Variants in RHOT1 observed in about 807,000 individuals in gnomAD.
RHOT1 encodes the protein mitochondrial Rho GTPase 1.
Under a neutral mutation model 95.3 loss-of-function variants are expected in RHOT1, and 27 were observed. That is an observed-to-expected ratio of 0.28 (90% CI 0.21 to 0.39). RHOT1 has a LOEUF of 0.39. RHOT1 is among the 10% of genes least tolerant of loss of function. The pLI, the probability that RHOT1 is intolerant of heterozygous loss-of-function variation, is 1.00. For synonymous variants in RHOT1, 227 were observed against 263.5 expected, an observed-to-expected ratio of 0.86 and a Z score of 1.34; for missense variants, 578 against 786.7, an observed-to-expected ratio of 0.73 and a Z score of 3.17.
At chr17:32,148,304 T>G (rs2031691887) in intron 1 of RHOT1, among the ~76,000 whole-genome samples, 4 of 152,144 alleles carry the variant, frequency 2.6e-5, no homozygotes, top group Admixed American at 2.6e-4. Context: ...TTAATAAGTA[T>G]TTAGTGCTTA....
chr17:32,182,591 A>C (rs982151474), intron 6 of RHOT1, among the ~76,000 whole-genome samples, 166 bp from the exon 7 acceptor site: 1 of 152,254 alleles, frequency 6.6e-6, no homozygotes, highest in Non-Finnish European at 1.5e-5. Context: ...TAACATGTTG[A>C]GTAAATACGT....
At chr17:32,194,341 T>G (rs16967127) in intron 11 of RHOT1, among the ~76,000 whole-genome samples, 5,797 of 152,290 alleles carry the variant, frequency 0.038, 371 homozygotes, top group African/African-American at 0.13. Context: ...GGAGGTGGGC[T>G]TCAAGCTAAT....
intron 6 of RHOT1, chr17:32,179,454 C>G (rs1417808924): frequency 4.0e-5 from 5 of 123,926 alleles, no homozygotes; most frequent in African/African-American, 1.6e-4. Context: ...GACACCCCAT[C>G]TGGGATGTGA....
chr17:32,214,894 C>CTTTTT lies in RHOT1; in HGVS notation c.1862+3682_1862+3686dup, dbSNP rs551151153. On this transcript the variant is annotated intron_variant, in intron 19 of 19. Coordinates refer to ENST00000545287, the MANE Select transcript of RHOT1 (RefSeq NM_001033566.3). The stretch of plus-strand genomic sequence containing the variant: ...GAAAGAGCAGTTCTAAAAGGCTTGT[C>CTTTTT]TTTTTTTTTTTTTTTTTTTTTTTTT... Among the ~76,000 whole-genome samples the CTTTTT allele has an allele frequency of 7.2e-3, 378 of 52,838 alleles. 20 individuals carry two copies. Among genetic ancestry groups the CTTTTT allele is most frequent in the Non-Finnish European group, 0.01 (285 of 28,392 alleles). 34.7% of individuals were successfully genotyped at this position (52,838 alleles called of 152,430 possible).
At chr17:32,208,548 A>G (rs777791577) in intron 18 of RHOT1, 25 of 448,930 alleles carry the variant, frequency 5.6e-5, no homozygotes, top group Non-Finnish European at 9.7e-5. Context: ...CTATCTTAAT[A>G]GAATAGTACA....
Position 32,183,140 on chromosome 17 carries a change from G to T in RHOT1, c.439-31G>T. 5 of 1,498,898 alleles carry T rather than the reference G, an allele frequency of 3.3e-6. No homozygotes were observed. The South Asian group carries it at 3.7e-5, about 11-fold the overall frequency. 92.8% of individuals were successfully genotyped at this position (1,498,898 alleles called of 1,614,324 possible). A position where few individuals can be genotyped will look rare whatever the true frequency, so the allele number is the denominator to read the frequency against. ...AAAATTGTTTTTAGCTCTCATAATT[G>T]ATTTCAGAGTGTAAAATTTTATTTT... is the stretch of plus-strand genomic sequence containing the variant. On this transcript the variant is annotated intron_variant, in intron 7 of 19. Transcript: ENST00000545287.
chr17:32,147,297 G>A (rs1256122970), intron 1 of RHOT1, among the ~76,000 whole-genome samples: 1 of 151,856 alleles, frequency 6.6e-6, no homozygotes, highest in African/African-American at 2.4e-5. Flanking sequence ...CACCCACCTT[G>A]GCCTCCTGAA....
chr17:32,165,144 TG>T (rs1251304645), intron 1 of RHOT1, among the ~76,000 whole-genome samples: 1 of 152,086 alleles, frequency 6.6e-6, no homozygotes, highest in East Asian at 1.9e-4. Flanking sequence ...GAGACCATCC[TG>T]GCTAACACGG....
At chr17:32,171,202 T>A (rs983601719) in intron 2 of RHOT1, 101 bp downstream of exon 2, 1 of 776,738 alleles carries the variant, frequency 1.3e-6, no homozygotes, top group Non-Finnish European at 2.0e-6. Context: ...ATGTGCTTCC[T>A]TTTGGACAGT....
chr17:32,147,832 A>T (rs1025074000), intron 1 of RHOT1, among the ~76,000 whole-genome samples: 57 of 151,768 alleles, frequency 3.8e-4, no homozygotes, highest in Non-Finnish European at 4.6e-4. Flanking sequence ...AAAAAAAAAA[A>T]AGATTAAACT....
At chr17:32,219,545 C>T (rs1433827725) in intron 19 of RHOT1, among the ~76,000 whole-genome samples, 1 of 152,196 alleles carries the variant, frequency 6.6e-6, no homozygotes, top group Admixed American at 6.5e-5. Context: ...CTGCATATGC[C>T]TTGTGTGACT....
intron 1 of RHOT1, among the ~76,000 whole-genome samples, chr17:32,158,734 AG>A (rs2033229521): frequency 6.6e-6 from 1 of 152,186 alleles, no homozygotes; most frequent in Non-Finnish European, 1.5e-5. Context: ...CTGGGATTGC[AG>A]GCATGAGCCA....
chr17:32,222,590 G>A (rs2038899099), intron 19 of RHOT1, among the ~76,000 whole-genome samples: 1 of 151,726 alleles, frequency 6.6e-6, no homozygotes, highest in Admixed American at 6.6e-5. Flanking sequence ...TTTTAAGTTT[G>A]GCAATTTGCT....
chr17:32,158,142 C>A (rs1351637000), intron 1 of RHOT1, among the ~76,000 whole-genome samples: 2 of 152,164 alleles, frequency 1.3e-5, no homozygotes. Context: ...AGGCATGAGC[C>A]ACTCTGTGCT....
At position 32,190,040 on chromosome 17, in the gene RHOT1, G is replaced by T. The variant is rs150684170; in HGVS notation, c.541-2161G>T. Among the ~76,000 whole-genome samples, 1,349 of 152,158 alleles carry T rather than the reference G, an allele frequency of 8.9e-3. 25 individuals are homozygous for T. Among genetic ancestry groups the T allele is most frequent in the African/African-American group, 0.031 (1,276 of 41,504 alleles). On this transcript the variant is annotated intron_variant, in intron 8 of 19. Coordinates refer to ENST00000545287, the MANE Select transcript of RHOT1 (RefSeq NM_001033566.3). ...TAATTTTTTATAGCTTTATTAAGTAGAATTTTTAATACTTTTTAGTAGTCC... is the reference window on the plus strand; with the variant it reads ...TAATTTTTTATAGCTTTATTAAGTATAATTTTTAATACTTTTTAGTAGTCC...
Position 32,150,782 on chromosome 17 carries a change from G to C in RHOT1, c.37+8053G>C. 3.2e-6 allele frequency: 5 copies of C among 1,572,506 alleles called. No homozygotes were observed. In the South Asian group the frequency reaches 4.7e-5, roughly 15 times the overall value. Reference sequence around the variant, plus strand: ...TCTTGCATTTGGAAGTCACTTGTGGGACTCTCAGTGAAGGTAGAGTTCCAT... The same window carrying C: ...TCTTGCATTTGGAAGTCACTTGTGGCACTCTCAGTGAAGGTAGAGTTCCAT... On this transcript the variant is annotated intron_variant, in intron 1 of 19. Transcript: ENST00000545287.
At chr17:32,145,128 A>T (rs1416520116) in intron 1 of RHOT1, among the ~76,000 whole-genome samples, 1 of 152,044 alleles carries the variant, frequency 6.6e-6, no homozygotes, top group Non-Finnish European at 1.5e-5. Flanking sequence ...GACGAAACCC[A>T]GTCTCTACTA....
At chr17:32,166,537 C>T (rs887117430) in intron 1 of RHOT1, among the ~76,000 whole-genome samples, 1 of 152,242 alleles carries the variant, frequency 6.6e-6, no homozygotes, top group Non-Finnish European at 1.5e-5. Flanking sequence ...CACAGTGGAA[C>T]TTCTTTCAGA....
chr17:32,206,944 A>C lies in RHOT1; in HGVS notation c.1451A>C (p.Glu484Ala), dbSNP rs2037798729. 1.2e-6 allele frequency: 2 copies of C among 1,605,424 alleles called. No individual in the cohort carries two copies. The highest frequency in any genetic ancestry group is 4.5e-5 in the East Asian group (2 of 44,798). ...HDISESEFLT[E>A]AEIICDVVCL... ...ATCTCAGAATCGGAATTTCTAACTGAAGCTGAAATCATTTGTGATGTTGTA... is the reference window on the plus strand; with the variant it reads ...ATCTCAGAATCGGAATTTCTAACTGCAGCTGAAATCATTTGTGATGTTGTA... The change falls in exon 17 of 20, where the codon GAA becomes GCA. Residue 484 changes from glutamate (E) to alanine (A), a missense_variant. By Grantham distance (107) the Glu-to-Ala change is moderately radical. Around this residue, in one of 4 missense-constraint regions of RHOT1, gnomAD observed 296 missense variants for 338.5 expected, o/e 0.87. Coordinates refer to ENST00000545287, the MANE Select transcript of RHOT1 (RefSeq NM_001033566.3).
Sources: allele counts gnomAD v4.1 joint callset (sites outside exome capture counted in the v4.1 genomes callset), GRCh38; gene constraint gnomAD v4.1.1; regional missense constraint gnomAD v4.1.1; transcripts MANE v1.5; gene names NCBI Gene and HGNC (gene_info 2026-07-23, HGNC 2026-07-21).